Variants in GPC6 observed in about 807,000 individuals in gnomAD.
GPC6 encodes the protein glypican 6.
GPC6 carries 14 observed loss-of-function variants against 55.2 expected under a neutral mutation model. The ratio of observed to expected loss-of-function variants is 0.25; its 90% CI spans 0.17 to 0.40. GPC6 has a LOEUF of 0.40. GPC6 is among the 10% of genes least tolerant of loss of function. The pLI, the probability that GPC6 is intolerant of heterozygous loss-of-function variation, is 1.00. For missense variants in GPC6, 641 were observed against 708.5 expected, an observed-to-expected ratio of 0.90 and a Z score of 1.08; for synonymous variants, 278 against 259.6, an observed-to-expected ratio of 1.07 and a Z score of -0.68.
intron 6 of GPC6, among the ~76,000 whole-genome samples, chr13:94,315,356 A>G (rs1361519862): frequency 6.6e-6 from 1 of 152,232 alleles, no homozygotes; most frequent in African/African-American, 2.4e-5. Context: ...CCAAGTGTTC[A>G]TTATGCATTG....
At chr13:93,284,770 A>T (rs1328195365) in intron 1 of GPC6, among the ~76,000 whole-genome samples, 1 of 152,208 alleles carries the variant, frequency 6.6e-6, no homozygotes, top group African/African-American at 2.4e-5. Context: ...TGATCAAAAC[A>T]GCTTAGTGGA....
In GPC6 at chr13:94,264,941, C is replaced by T. The variant is rs986968317; in HGVS notation, c.878-21408C>T. 3.3e-5 allele frequency among the ~76,000 whole-genome samples: 5 copies of T among 152,142 alleles called. No individual in the cohort carries two copies. The South Asian group carries it at 8.3e-4, about 25-fold the overall frequency. On this transcript the variant is annotated intron_variant, in intron 4 of 8. Coordinates refer to ENST00000377047, the MANE Select transcript of GPC6 (RefSeq NM_005708.5). Reference sequence around the variant, plus strand: ...AATCCTATATAAAGCCATCAGATCTCGTGAGACTTATTCACTATCACAAGA... The same window carrying T: ...AATCCTATATAAAGCCATCAGATCTTGTGAGACTTATTCACTATCACAAGA...
At chr13:94,028,684 C>T (rs911094628) in intron 4 of GPC6, among the ~76,000 whole-genome samples, 11 of 152,126 alleles carry the variant, frequency 7.2e-5, no homozygotes, top group Non-Finnish European at 1.6e-4. Context: ...TTTAAGCACA[C>T]AAGCATGAAA....
At chr13:93,758,094 A>G (rs9516284) in intron 2 of GPC6, among the ~76,000 whole-genome samples, 28,921 of 152,192 alleles carry the variant, frequency 0.19, 3,515 homozygotes, top group Non-Finnish European at 0.26. Flanking sequence ...GTTTGTGGAT[A>G]TGGAAGTGCA....
At chr13:94,395,428 A>G (rs1396862452) in intron 7 of GPC6, among the ~76,000 whole-genome samples, 3 of 152,232 alleles carry the variant, frequency 2.0e-5, no homozygotes, top group Admixed American at 1.3e-4. Flanking sequence ...TTTATTATTC[A>G]TTATTTAGTG....
intron 3 of GPC6, among the ~76,000 whole-genome samples, chr13:93,890,550 T>C (rs1341432015): frequency 6.6e-6 from 1 of 152,016 alleles, no homozygotes; most frequent in Non-Finnish European, 1.5e-5. Context: ...GGGATAGTTT[T>C]TAGATGAAAA....
chr13:94,333,764 T>C lies in GPC6; in HGVS notation c.1152+27641T>C, dbSNP rs181067113. On this transcript the variant is annotated intron_variant, in intron 6 of 8. Coordinates refer to ENST00000377047, the MANE Select transcript of GPC6 (RefSeq NM_005708.5). ...AGGTAGGATTCAAGTTCGGATCCTC[T>C]GACTCCAATTACCATTCCCTTTCCA... Among the ~76,000 whole-genome samples, 509 of 152,306 alleles carry C rather than the reference T, an allele frequency of 3.3e-3. 14 individuals are homozygous for C. Among genetic ancestry groups the C allele is most frequent in the Non-Finnish European group, 4.1e-4 (28 of 68,026 alleles).
At chr13:93,821,158 C>T (rs2138965620) in intron 2 of GPC6, among the ~76,000 whole-genome samples, 1 of 152,116 alleles carries the variant, frequency 6.6e-6, no homozygotes, top group East Asian at 1.9e-4. Context: ...CATTTTATAC[C>T]ACATAAAGTC....
In GPC6 at chr13:93,608,089, A is replaced by G. The variant is rs140946936; in HGVS notation, c.319+62668A>G. Among the ~76,000 whole-genome samples the G allele has an allele frequency of 7.6e-4, 115 of 152,224 alleles. 1 individual carries two copies. Among genetic ancestry groups the G allele is most frequent in the African/African-American group, 1.7e-3 (72 of 41,556 alleles). Reference sequence around the variant, plus strand: ...ATTGTATATTTTATTACAATTTTCAATGAGCTTGACTGATTCCCAATACTG... The same window carrying G: ...ATTGTATATTTTATTACAATTTTCAGTGAGCTTGACTGATTCCCAATACTG... On this transcript the variant is annotated intron_variant, in intron 2 of 8. Coordinates refer to ENST00000377047, the MANE Select transcript of GPC6 (RefSeq NM_005708.5).
At chr13:94,222,769 G>C (rs938723209) in intron 4 of GPC6, among the ~76,000 whole-genome samples, 2 of 152,106 alleles carry the variant, frequency 1.3e-5, no homozygotes, top group Non-Finnish European at 2.9e-5. Flanking sequence ...CATTTCATCT[G>C]CTTCTTAATT....
intron 4 of GPC6, among the ~76,000 whole-genome samples, chr13:94,126,101 G>T (rs1472464293): frequency 6.6e-6 from 1 of 152,140 alleles, no homozygotes; most frequent in African/African-American, 2.4e-5. Context: ...TACCAACTGG[G>T]CACCAGTGGC....
At position 94,113,824 on chromosome 13, in the gene GPC6, C is replaced by A. The variant is rs142909320; in HGVS notation, c.877+85930C>A. ...TCACTTGAAGACAGGAGTTCTTGAC[C>A]AGCCTGGCCAACATTGTGAAACCCT... is the stretch of plus-strand genomic sequence containing the variant. On this transcript the variant is annotated intron_variant, in intron 4 of 8. Coordinates refer to ENST00000377047, the MANE Select transcript of GPC6 (RefSeq NM_005708.5). Among the ~76,000 whole-genome samples the A allele has an allele frequency of 2.8e-4, 42 of 151,762 alleles. 1 individual carries two copies. In the East Asian group the frequency reaches 8.2e-3, roughly 30 times the overall value.
At chr13:94,230,960 G>A (rs894978210) in intron 4 of GPC6, among the ~76,000 whole-genome samples, 2 of 152,056 alleles carry the variant, frequency 1.3e-5, no homozygotes, top group Non-Finnish European at 2.9e-5. Flanking sequence ...AGGCTTGGGG[G>A]AAGGGAGACA....
chr13:93,605,549 G>T (rs1326598399), intron 2 of GPC6, among the ~76,000 whole-genome samples: 1 of 151,974 alleles, frequency 6.6e-6, no homozygotes, highest in Non-Finnish European at 1.5e-5. Flanking sequence ...AAGAGTGAAG[G>T]CTGGCTGGGT....
At chr13:93,419,634 T>C (rs1268248449) in intron 1 of GPC6, among the ~76,000 whole-genome samples, 1 of 152,168 alleles carries the variant, frequency 6.6e-6, no homozygotes, top group Non-Finnish European at 1.5e-5. Flanking sequence ...TCCATGCGGA[T>C]TGAATCCAAG....
At chr13:93,320,136 T>A (rs762742902) in intron 1 of GPC6, among the ~76,000 whole-genome samples, 15 of 151,958 alleles carry the variant, frequency 9.9e-5, no homozygotes, top group Non-Finnish European at 1.9e-4. Flanking sequence ...AATATAAAGT[T>A]TTACAAGAAG....
intron 1 of GPC6, among the ~76,000 whole-genome samples, chr13:93,501,534 T>C (rs1343044976): frequency 6.6e-6 from 1 of 152,198 alleles, no homozygotes; most frequent in East Asian, 1.9e-4. Flanking sequence ...GTTTTCTTTG[T>C]TTGTTTGAAA....
intron 4 of GPC6, among the ~76,000 whole-genome samples, chr13:94,088,767 A>T (rs1456327653): frequency 1.3e-5 from 2 of 152,100 alleles, no homozygotes; most frequent in Non-Finnish European, 2.9e-5. Context: ...CCAACAGAGT[A>T]TAGCAGGATG....
At chr13:94,345,984 C>T (rs1878266509) in intron 6 of GPC6, among the ~76,000 whole-genome samples, 1 of 152,102 alleles carries the variant, frequency 6.6e-6, no homozygotes, top group Admixed American at 6.5e-5. Flanking sequence ...CTTCTCTAAG[C>T]TTCTAGTGGA....
Sources: allele counts gnomAD v4.1 joint callset (sites outside exome capture counted in the v4.1 genomes callset), GRCh38; gene constraint gnomAD v4.1.1; transcripts MANE v1.5; gene names NCBI Gene and HGNC (gene_info 2026-07-23, HGNC 2026-07-21).